Variants in GPBP1L1 observed in about 807,000 individuals in gnomAD.
GPBP1L1 encodes the protein GC-rich promoter binding protein 1 like 1, also known as vasculin-like protein 1.
Under a neutral mutation model 52.5 loss-of-function variants are expected in GPBP1L1, and 23 were observed. That is an observed-to-expected ratio of 0.44 (90% CI 0.32 to 0.62). GPBP1L1 has a LOEUF of 0.62. GPBP1L1 is among the 20% of genes least tolerant of loss of function. The pLI is 0.06. For synonymous variants in GPBP1L1, 243 were observed against 203.1 expected (o/e 1.20, Z -1.67); for missense variants, 596 against 579.3 (o/e 1.03, Z -0.30).
At chr1:45,658,221 C>T (rs1456527195) in intron 4 of GPBP1L1, among the ~76,000 whole-genome samples, 1 of 152,192 alleles carries the variant, frequency 6.6e-6, no homozygotes, top group African/African-American at 2.4e-5. Context: ...AGGATTTAAT[C>T]TGAGATCCAT....
chr1:45,629,687 C>A lies in GPBP1L1; in HGVS notation c.1170-9G>T, dbSNP rs569434594. On this transcript the variant is annotated splice_polypyrimidine_tract_variant and intron_variant, in intron 11 of 12. Coordinates refer to ENST00000355105, the MANE Select transcript of GPBP1L1 (RefSeq NM_021639.5). ...CCATAGCTTTCAATAACCTGGTGGA[C>A]GCAGAAGGACAGGTAAAGAGAATAC... 6.5e-7 allele frequency: 1 copy of A among 1,535,700 alleles called. No homozygotes were observed. The highest frequency in any genetic ancestry group is 1.7e-5 in the Admixed American group (1 of 59,940).
At chr1:45,630,405 C>A in intron 11 of GPBP1L1, 77 bp downstream of exon 11, 1 of 1,521,164 alleles carries the variant, frequency 6.6e-7, no homozygotes, top group African/African-American at 1.4e-5. Context: ...ACCTATCTAT[C>A]TGAGATATCT....
chr1:45,655,599 G>A, intron 4 of GPBP1L1: 1 of 244,374 alleles, frequency 4.1e-6, no homozygotes, highest in Non-Finnish European at 7.8e-6. Flanking sequence ...AAAAAGCCTT[G>A]CAAATATTCA....
At chr1:45,684,504 G>T (rs903385377) in intron 2 of GPBP1L1, among the ~76,000 whole-genome samples, 2 of 151,994 alleles carry the variant, frequency 1.3e-5, no homozygotes, top group Non-Finnish European at 2.9e-5. Flanking sequence ...GGTTGAATGT[G>T]TCCTCCTCAG....
At chr1:45,635,095 T>C (rs1644577533) in intron 8 of GPBP1L1, 1 of 152,206 alleles carries the variant, frequency 6.6e-6, no homozygotes, top group South Asian at 2.1e-4. Context: ...GAATTAACTT[T>C]ACTATCTACC....
At chr1:45,671,814 G>A (rs1252098424) in intron 2 of GPBP1L1, among the ~76,000 whole-genome samples, 1 of 151,652 alleles carries the variant, frequency 6.6e-6, no homozygotes. Flanking sequence ...GACAGAGCGA[G>A]ACTCTGTCTC....
At position 45,654,761 on chromosome 1, in the gene GPBP1L1, CA is replaced by C. The variant is rs1644863318; in HGVS notation, c.258del (p.Tyr86Ter). ...CCAGATGGGTTCCCTGTGATTCCAGCATATGCTCCCTTAGAGACACCAGAGT... is the reference window on the plus strand; with the variant it reads ...CCAGATGGGTTCCCTGTGATTCCAGCTATGCTCCCTTAGAGACACCAGAGT... ...SVDSGVSKGAYAGITGNPSGW... is the reference protein window; with the variant it reads ...SVDSGVSKGAXAGITGNPSGW... On this transcript the variant is annotated frameshift_variant, in exon 6 of 13. Transcript: ENST00000355105. LOFTEE classifies it high-confidence loss of function. 1 of 1,614,008 alleles carries C rather than the reference CA, an allele frequency of 6.2e-7. No homozygotes were observed. The highest frequency in any genetic ancestry group is 1.1e-5 in the South Asian group (1 of 91,086).
rs80246976 is a variant in GPBP1L1 at position 45,653,239 on chromosome 1, C to T, written c.477+1304G>A. ...ACAGAAGCGACTGATCGATGTGCTA[C>T]TTAAAAACAGCTAGAGGCTGGGTGT... On this transcript the variant is annotated intron_variant, in intron 6 of 12. Transcript: ENST00000355105. Among the ~76,000 whole-genome samples the T allele has an allele frequency of 3.0e-3, 460 of 152,256 alleles. 4 individuals are homozygous for T. Among genetic ancestry groups the T allele is most frequent in the East Asian group, 0.023 (117 of 5,190 alleles).
intron 2 of GPBP1L1, among the ~76,000 whole-genome samples, chr1:45,669,103 T>A (rs553381636): frequency 6.6e-6 from 1 of 152,262 alleles, no homozygotes; most frequent in African/African-American, 2.4e-5. Context: ...CTATACTATA[T>A]AAAACAATTA....
rs573702938 is a variant in GPBP1L1 at position 45,657,258 on chromosome 1, G to C, written c.60+1770C>G. Among the ~76,000 whole-genome samples, 7 of 152,278 alleles carry C rather than the reference G, an allele frequency of 4.6e-5. No individual in the cohort carries two copies. The South Asian group carries it at 1.5e-3, about 32-fold the overall frequency. On this transcript the variant is annotated intron_variant, in intron 4 of 12. Coordinates refer to ENST00000355105, the MANE Select transcript of GPBP1L1 (RefSeq NM_021639.5). ...AATTTGAAATGATGTTTAGAGCCGG[G>C]TGTGGTGGTTCATTGCTGTAATCCC...
intron 4 of GPBP1L1, among the ~76,000 whole-genome samples, chr1:45,657,331 C>T (rs932523617): frequency 2.6e-5 from 4 of 152,030 alleles, no homozygotes; most frequent in Admixed American, 1.3e-4. Context: ...CCCAGGATTT[C>T]AAGACCAGCC....
chr1:45,645,008 A>C (rs955501925), intron 6 of GPBP1L1, among the ~76,000 whole-genome samples: 1 of 152,134 alleles, frequency 6.6e-6, no homozygotes, highest in Non-Finnish European at 1.5e-5. Context: ...ATGTGATTCA[A>C]CCCTCGTCGT....
At chr1:45,685,667 G>A (rs551581484) in intron 1 of GPBP1L1, 47 bp from the exon 2 acceptor site, 1 of 152,318 alleles carries the variant, frequency 6.6e-6, no homozygotes, top group South Asian at 2.1e-4. Context: ...GTCCCCACAG[G>A]GGAAAGGACT....
intron 12 of GPBP1L1, among the ~76,000 whole-genome samples, chr1:45,628,897 C>T (rs375807415): frequency 1.8e-4 from 27 of 152,256 alleles, no homozygotes; most frequent in African/African-American, 5.5e-4. Context: ...CTCCTGACCT[C>T]GTCATCTGCC....
At chr1:45,634,049 G>C (rs759955549) in intron 9 of GPBP1L1, 47 bp downstream of exon 9, 2 of 1,547,260 alleles carry the variant, frequency 1.3e-6, no homozygotes, top group Non-Finnish European at 1.8e-6. Context: ...TAAGTGAACG[G>C]GAAATGGCAA....
At chr1:45,660,108 A>G in intron 3 of GPBP1L1, 76 bp downstream of exon 3, 1 of 859,058 alleles carries the variant, frequency 1.2e-6, no homozygotes, top group Non-Finnish European at 1.4e-6. Flanking sequence ...TAATTACATC[A>G]GAAAGCAGTC....
At chr1:45,674,901 C>G (rs932375434) in intron 2 of GPBP1L1, among the ~76,000 whole-genome samples, 4 of 152,204 alleles carry the variant, frequency 2.6e-5, no homozygotes, top group African/African-American at 9.6e-5. Flanking sequence ...CAAGGAGTAG[C>G]TGTACTTTTT....
chr1:45,629,311 T>G (rs568139930), intron 12 of GPBP1L1, among the ~76,000 whole-genome samples: 25 of 152,340 alleles, frequency 1.6e-4, no homozygotes, highest in South Asian at 1.2e-3. Context: ...GTGGTTCTGA[T>G]AAGGAGTTAG....
At chr1:45,649,304 T>C (rs1298232214) in intron 6 of GPBP1L1, among the ~76,000 whole-genome samples, 1 of 152,254 alleles carries the variant, frequency 6.6e-6, no homozygotes, top group Admixed American at 6.5e-5. Flanking sequence ...TACATACTAT[T>C]ATCTAATCTA....
Sources: allele counts gnomAD v4.1 joint callset (sites outside exome capture counted in the v4.1 genomes callset), GRCh38; gene constraint gnomAD v4.1.1; transcripts MANE v1.5; gene names NCBI Gene and HGNC (gene_info 2026-07-23, HGNC 2026-07-21).